The following WDR59 variants were observed in gnomAD, a reference collection of about 807,000 sequenced individuals.
WDR59 encodes WD repeat domain 59.
Under a neutral mutation model 131.2 loss-of-function variants are expected in WDR59, and 100 were observed. The ratio of observed to expected loss-of-function variants is 0.76; its 90% CI spans 0.65 to 0.90. The LOEUF (loss-of-function observed/expected upper bound fraction) is 0.90. Among genes scored for constraint, WDR59 ranks in the 40% least tolerant of loss-of-function variants. WDR59 has a pLI of 0.00. For synonymous variants in WDR59, 601 were observed against 466.2 expected, an observed-to-expected ratio of 1.29 and a Z score of -3.72; for missense variants, 1,203 against 1,262.2, an observed-to-expected ratio of 0.95 and a Z score of 0.71.
chr16:74,944,748 A>G (rs1330008223), intron 6 of WDR59, among the ~76,000 whole-genome samples: 2 of 151,888 alleles, frequency 1.3e-5, no homozygotes, highest in Admixed American at 6.6e-5. Context: ...GAGAAACCTC[A>G]CTGAGTACAA....
intron 23 of WDR59, 62 bp from the exon 24 acceptor site, chr16:74,886,458 G>C: frequency 6.3e-7 from 1 of 1,591,862 alleles, no homozygotes; most frequent in Non-Finnish European, 8.5e-7. Flanking sequence ...AATATCTGAA[G>C]AGTCTCATAA....
chr16:74,899,570 G>T, intron 18 of WDR59: 1 of 687,354 alleles, frequency 1.5e-6, no homozygotes, highest in Non-Finnish European at 2.1e-6. Context: ...AAAATTGACT[G>T]TTGCTGGTCC....
At chr16:74,950,079 C>G (rs745637066) in intron 4 of WDR59, 81 of 435,044 alleles carry the variant, frequency 1.9e-4, no homozygotes, top group Middle Eastern at 7.5e-4. Context: ...CAGCGGCTCA[C>G]GACTGTAATC....
intron 1 of WDR59, among the ~76,000 whole-genome samples, chr16:74,978,317 T>G: frequency 1.8e-5 from 2 of 111,224 alleles, no homozygotes; most frequent in East Asian, 2.5e-4. Flanking sequence ...TGAGACTCTG[T>G]CTCAAAAAAA....
intron 4 of WDR59, among the ~76,000 whole-genome samples, chr16:74,950,849 TCTC>T (rs2032951604): frequency 1.3e-5 from 2 of 151,896 alleles, no homozygotes; most frequent in African/African-American, 4.8e-5. Context: ...TAACCACTCC[TCTC>T]CTATGTTGAA....
At chr16:74,980,921 C>A (rs1189830518) in intron 1 of WDR59, among the ~76,000 whole-genome samples, 2 of 151,562 alleles carry the variant, frequency 1.3e-5, no homozygotes, top group East Asian at 3.9e-4. Context: ...GCTGAGATTG[C>A]GCCACTGCAC....
chr16:74,910,177 A>G (rs1025602288), intron 14 of WDR59, among the ~76,000 whole-genome samples: 6 of 152,068 alleles, frequency 3.9e-5, no homozygotes, highest in Admixed American at 3.9e-4. Context: ...CATGTTGGCC[A>G]GGCTGGTCTC....
chr16:74,928,931 C>T (rs2031128433), intron 8 of WDR59, among the ~76,000 whole-genome samples: 1 of 152,084 alleles, frequency 6.6e-6, no homozygotes, highest in South Asian at 2.1e-4. Flanking sequence ...AGAGACAATA[C>T]ACAGAATGGG....
At chr16:74,944,088 C>T (rs867045667) in intron 6 of WDR59, among the ~76,000 whole-genome samples, 17 of 152,134 alleles carry the variant, frequency 1.1e-4, no homozygotes, top group African/African-American at 4.1e-4. Flanking sequence ...GAGAACACAC[C>T]TTTCCCAGTG....
rs367941766 is a variant in WDR59, at chr16:74,903,992, G to A, written c.1821C>T (p.Ser607=). The change falls in exon 18 of 26, where the codon AGC becomes AGT. Residue 607 remains serine, a synonymous_variant. Transcript: ENST00000262144. Reference sequence around the variant, plus strand: ...AGCTGATGGAGACCTGCTCTTTCTCGCTGCGAGTGGGGCTCCCACTGTATA... The same window carrying A: ...AGCTGATGGAGACCTGCTCTTTCTCACTGCGAGTGGGGCTCCCACTGTATA... The part of the protein sequence containing the change: ...LRLYSGSPTR[S]EKEQVSISSF... 8.3e-5 allele frequency: 134 copies of A among 1,610,918 alleles called. No homozygotes were observed. Among genetic ancestry groups the A allele is most frequent in the African/African-American group, 4.1e-4 (31 of 74,986 alleles).
At chr16:74,971,770 T>C (rs1188429041) in intron 1 of WDR59, among the ~76,000 whole-genome samples, 1 of 152,090 alleles carries the variant, frequency 6.6e-6, no homozygotes. Context: ...AAGGCTGGAG[T>C]GCAGTGGTAC....
rs114876545 is a variant in WDR59, at chr16:74,907,369, G to A, written c.1712+1539C>T. ...GAGGTGATTGGATCATGGGGGCGGCGTCCCCCATGCTGTTCTCATGATAGT... is the reference window on the plus strand; with the variant it reads ...GAGGTGATTGGATCATGGGGGCGGCATCCCCCATGCTGTTCTCATGATAGT... On this transcript the variant is annotated intron_variant, in intron 17 of 25. Coordinates refer to ENST00000262144, the MANE Select transcript of WDR59 (RefSeq NM_030581.4). Among the ~76,000 whole-genome samples the A allele has an allele frequency of 6.9e-3, 1,047 of 152,240 alleles. 9 individuals are homozygous for A. The highest frequency in any genetic ancestry group is 0.023 in the African/African-American group (967 of 41,536).
At chr16:74,923,741 CAAG>C (rs1361609276) in intron 9 of WDR59, among the ~76,000 whole-genome samples, 182 bp downstream of exon 9, 1 of 152,072 alleles carries the variant, frequency 6.6e-6, no homozygotes, top group Non-Finnish European at 1.5e-5. Flanking sequence ...TGCGCCCGGC[CAAG>C]AATAAAATTT....
chr16:74,981,660 A>ATATATATATATTTTTTTTTT (rs1567451007), intron 1 of WDR59, among the ~76,000 whole-genome samples: 2 of 80,864 alleles, frequency 2.5e-5, no homozygotes, highest in Non-Finnish European at 4.0e-5. Context: ...ATATATATAT[A>ATATATATATATTTTTTTTTT]TTTTTTTTTT....
intron 1 of WDR59, among the ~76,000 whole-genome samples, chr16:74,983,090 C>T (rs1310766652): frequency 6.6e-6 from 1 of 152,180 alleles, no homozygotes; most frequent in Non-Finnish European, 1.5e-5. Context: ...CACCTGTAAT[C>T]CCAATATTTT....
intron 17 of WDR59, among the ~76,000 whole-genome samples, chr16:74,904,809 T>C (rs573323140): frequency 1.2e-4 from 19 of 152,250 alleles, no homozygotes; most frequent in African/African-American, 4.3e-4. Context: ...GCATAAAGGA[T>C]AAATAGATCA....
intron 11 of WDR59, among the ~76,000 whole-genome samples, chr16:74,916,734 C>G (rs1396132916): frequency 6.6e-6 from 1 of 151,998 alleles, no homozygotes; most frequent in Non-Finnish European, 1.5e-5. Flanking sequence ...TGGCGGACGC[C>G]TACAGTCCCA....
chr16:74,879,588 A>G (rs2144760761), intron 25 of WDR59, among the ~76,000 whole-genome samples: 1 of 152,320 alleles, frequency 6.6e-6, no homozygotes, highest in South Asian at 2.1e-4. Flanking sequence ...ATTTTCTACT[A>G]GAAAGGAGAA....
intron 13 of WDR59, among the ~76,000 whole-genome samples, chr16:74,914,612 G>T (rs1038107068): frequency 7.3e-5 from 10 of 136,092 alleles, no homozygotes; most frequent in African/African-American, 1.1e-4. Flanking sequence ...TTTTTTTTTC[G>T]AGACGGAGTC....
Sources: allele counts gnomAD v4.1 joint callset (sites outside exome capture counted in the v4.1 genomes callset), GRCh38; gene constraint gnomAD v4.1.1; transcripts MANE v1.5; gene names NCBI Gene and HGNC (gene_info 2026-07-23, HGNC 2026-07-21).